NTN1: variants seen among roughly 807,000 people sequenced by gnomAD.
The protein encoded by NTN1 is netrin 1.
A neutral mutation model predicts 54.2 loss-of-function variants in NTN1; 11 were observed. The observed-to-expected ratio is 0.20, with a 90% CI of 0.13 to 0.34. NTN1 has a LOEUF of 0.34. NTN1 is among the 10% of genes least tolerant of loss of function. The pLI is 1.00. For synonymous variants in NTN1, 371 were observed against 382.0 expected (o/e 0.97, Z 0.33); for missense variants, 740 against 893.1 (o/e 0.83, Z 2.18).
chr17:9,188,821 G>A (rs1233491134), intron 5 of NTN1, among the ~76,000 whole-genome samples: 2 of 152,150 alleles, frequency 1.3e-5, no homozygotes, highest in African/African-American at 4.8e-5. Flanking sequence ...AGGGAGCTGT[G>A]GGGTCCACAG....
intron 2 of NTN1, among the ~76,000 whole-genome samples, chr17:9,121,079 T>C (rs2092230256): frequency 6.6e-6 from 1 of 152,130 alleles, no homozygotes; most frequent in Admixed American, 6.5e-5. Context: ...AATACAGGAC[T>C]GTGTGGTGCG....
intron 6 of NTN1, among the ~76,000 whole-genome samples, chr17:9,231,295 C>CA (rs377688110): frequency 1.4e-5 from 2 of 145,410 alleles, no homozygotes; most frequent in Non-Finnish European, 3.1e-5. Flanking sequence ...ATGGGGTACC[C>CA]GGGGGGGGAC....
At chr17:9,026,357 C>A in intron 2 of NTN1, among the ~76,000 whole-genome samples, 1 of 146,118 alleles carries the variant, frequency 6.8e-6, no homozygotes, top group Non-Finnish European at 1.5e-5. Flanking sequence ...TCATAAAGCC[C>A]AGTTATACTT....
chr17:9,112,933 A>C (rs1260657033), intron 2 of NTN1, among the ~76,000 whole-genome samples: 1 of 151,914 alleles, frequency 6.6e-6, no homozygotes, highest in Non-Finnish European at 1.5e-5. Flanking sequence ...AAAATGTGTT[A>C]GATACGATTC....
intron 5 of NTN1, among the ~76,000 whole-genome samples, chr17:9,204,911 C>T (rs1479016322): frequency 6.8e-6 from 1 of 147,778 alleles, no homozygotes; most frequent in African/African-American, 2.5e-5. Context: ...TGCTTTCCAT[C>T]AGTGCTGTCA....
intron 2 of NTN1, among the ~76,000 whole-genome samples, chr17:9,143,713 ATGG>A (rs1485445687): frequency 1.3e-5 from 2 of 152,146 alleles, no homozygotes; most frequent in East Asian, 3.9e-4. Flanking sequence ...ATCTCTTAAA[ATGG>A]TGGGTATGAG....
intron 5 of NTN1, among the ~76,000 whole-genome samples, chr17:9,187,157 A>G (rs909711486): frequency 1.3e-5 from 2 of 152,212 alleles, no homozygotes. Context: ...ATGCCATGGT[A>G]TAATGAGAGG....
chr17:9,240,488 C>G lies in NTN1; in HGVS notation c.*520C>G, dbSNP rs577954308. ...CGACACGCAGCCGACGGGATCCCCC[C>G]CTTTCTCCCCGGCCCCTTCTAGCAG... On this transcript the variant is annotated 3_prime_UTR_variant, in exon 7 of 7. Coordinates refer to ENST00000173229, the MANE Select transcript of NTN1 (RefSeq NM_004822.3). 1 of 152,480 alleles carries G rather than the reference C, an allele frequency of 6.6e-6. No individual in the cohort carries two copies. Among genetic ancestry groups the G allele is most frequent in the Admixed American group, 6.5e-5 (1 of 15,308 alleles). The allele number at this position is 152,480 out of a possible 1,614,324, so 9.4% of individuals were successfully genotyped here.
chr17:9,015,554 C>T, the NTN1 span, among the ~76,000 whole-genome samples: 3 of 152,132 alleles, frequency 2.0e-5, no homozygotes, highest in Non-Finnish European at 4.4e-5. Context: ...TTAGCCTGTG[C>T]CATCTGGTGC....
At chr17:9,133,227 T>A (rs907431314) in intron 2 of NTN1, among the ~76,000 whole-genome samples, 1 of 152,196 alleles carries the variant, frequency 6.6e-6, no homozygotes, top group African/African-American at 2.4e-5. Flanking sequence ...ACCACCGCCT[T>A]GGTCTGTTAA....
Position 9,023,359 on chromosome 17 carries a change from G to A in NTN1, c.986G>A (p.Arg329His), listed in dbSNP as rs987215469. 6.7e-7 allele frequency: 1 copy of A among 1,488,054 alleles called. No homozygotes were observed. The allele number at this position is 1,488,054 out of a possible 1,614,324, so 92.2% of individuals were successfully genotyped here. Residue 329 changes from arginine to histidine, a missense_variant, in exon 2 of 7, where the codon CGC becomes CAC. By Grantham distance (29) the Arg-to-His change is conservative (BLOSUM62 0). Coordinates refer to ENST00000173229, the MANE Select transcript of NTN1 (RefSeq NM_004822.3). ...TTCCACTACGACCGGCCCTGGCAGC[G>A]CGCCACAGCCCGCGAAGCCAACGAG... ...KPFHYDRPWQ[R>H]ATAREANECV...
chr17:9,023,439 G>A lies in NTN1; in HGVS notation c.1018+48G>A, dbSNP rs1395030228. On this transcript the variant is annotated intron_variant, in intron 2 of 6. Coordinates refer to ENST00000173229, the MANE Select transcript of NTN1 (RefSeq NM_004822.3). ...GCCGGCGGCGGGTGGGGCCGCGGGCGGGAGCTGCTGGGCCTCGCAGCGGCG... is the reference window on the plus strand; with the variant it reads ...GCCGGCGGCGGGTGGGGCCGCGGGCAGGAGCTGCTGGGCCTCGCAGCGGCG... 7 of 1,340,106 alleles carry A rather than the reference G, an allele frequency of 5.2e-6. No individual in the cohort carries two copies. In the African/African-American group the frequency reaches 9.3e-5, roughly 18 times the overall value. 83.0% of individuals were successfully genotyped at this position (1,340,106 alleles called of 1,614,324 possible).
chr17:9,231,741 G>T (rs1905823313), intron 6 of NTN1, among the ~76,000 whole-genome samples: 2 of 123,110 alleles, frequency 1.6e-5, no homozygotes, highest in African/African-American at 5.1e-5. Flanking sequence ...ACATCTGCAG[G>T]CCTGGTGGGC....
At position 9,192,738 on chromosome 17, in the gene NTN1, T is replaced by A. The variant is rs56913682; in HGVS notation, c.1411+9769T>A. ...AGCACCGGGAGACAAACCCGGCTCTTTTATTAGTTATGCACCATGCTGAAC... is the reference window on the plus strand; with the variant it reads ...AGCACCGGGAGACAAACCCGGCTCTATTATTAGTTATGCACCATGCTGAAC... On this transcript the variant is annotated intron_variant, in intron 5 of 6. Coordinates refer to ENST00000173229, the MANE Select transcript of NTN1 (RefSeq NM_004822.3). Among the ~76,000 whole-genome samples, 845 of 152,256 alleles carry A rather than the reference T, an allele frequency of 5.5e-3. 8 individuals carry two copies. The highest frequency in any genetic ancestry group is 0.02 in the African/African-American group (814 of 41,540).
intron 3 of NTN1, among the ~76,000 whole-genome samples, chr17:9,172,591 TCAA>T (rs1392778535): frequency 1.3e-5 from 2 of 152,106 alleles, no homozygotes; most frequent in African/African-American, 4.8e-5. Context: ...CTCTCAAAAT[TCAA>T]CAACAAGGAA....
chr17:9,070,046 T>G (rs756750037), intron 2 of NTN1, among the ~76,000 whole-genome samples: 27 of 152,188 alleles, frequency 1.8e-4, no homozygotes, highest in Non-Finnish European at 3.5e-4. Context: ...CATACCCGCC[T>G]TCTTCTTCGT....
the NTN1 span, among the ~76,000 whole-genome samples, chr17:9,009,284 C>A: frequency 7.9e-5 from 12 of 152,168 alleles, no homozygotes; most frequent in Non-Finnish European, 1.8e-4. Context: ...CCATGGAGCT[C>A]CCTGCAAGCA....
intron 2 of NTN1, among the ~76,000 whole-genome samples, chr17:9,137,793 C>CAAA (rs547235326): frequency 1.4e-5 from 2 of 141,932 alleles, no homozygotes; most frequent in African/African-American, 2.6e-5. Context: ...GACTCCATCT[C>CAAA]AAAAAAAAAA....
chr17:9,211,851 T>G lies in NTN1; in HGVS notation c.1412-9317T>G, dbSNP rs1905115543. Among the ~76,000 whole-genome samples the G allele has an allele frequency of 6.6e-6, 1 of 152,254 alleles. No homozygotes were observed. The highest frequency in any genetic ancestry group is 1.5e-5 in the Non-Finnish European group (1 of 68,038). ...TTTTGTGAATGGCCTGTTCCTTCCC[T>G]TTGAATTTTTGGTTGCTGTCTTTTT... On this transcript the variant is annotated intron_variant, in intron 5 of 6. Coordinates refer to ENST00000173229, the MANE Select transcript of NTN1 (RefSeq NM_004822.3). The surrounding 1 kb of genome is among the most constrained non-coding windows in gnomAD (Gnocchi z 4.4).
Sources: gnomAD v4.1 joint callset for allele counts (sites outside exome capture counted in the v4.1 genomes callset) on GRCh38, gnomAD v4.1.1 for gene constraint, Gnocchi (gnomAD v3.1) non-coding constraint, MANE v1.5 for transcripts, NCBI Gene and HGNC (gene_info 2026-07-23, HGNC 2026-07-21) for gene names.